The following INTS3 variants were observed in gnomAD, a reference collection of about 807,000 sequenced individuals.
INTS3 encodes the protein SOSS complex subunit A.
INTS3 carries 34 observed loss-of-function variants against 146.3 expected under a neutral mutation model. The observed-to-expected ratio is 0.23, with a 90% CI of 0.18 to 0.31. The LOEUF is 0.31. INTS3 is among the 10% of genes least tolerant of loss of function. The probability of loss-of-function intolerance (pLI) is 1.00; values close to 1 mark genes in which losing one functional copy is unlikely to be tolerated. For missense variants in INTS3, 757 were observed against 1,304.2 expected, an observed-to-expected ratio of 0.58 and a Z score of 6.46; for synonymous variants, 475 against 494.9, an observed-to-expected ratio of 0.96 and a Z score of 0.53.
Position 153,769,817 on chromosome 1 carries a change from C to G in INTS3, c.2362C>G (p.Arg788Gly), listed in dbSNP as rs1300980054. The G allele has an allele frequency of 6.2e-7, 1 of 1,613,102 alleles. No homozygotes were observed. Among genetic ancestry groups the G allele is most frequent in the Non-Finnish European group, 8.5e-7 (1 of 1,179,216 alleles). The change falls in exon 23 of 30, where the codon CGA (arginine) becomes GGA (glycine). Residue 788 changes from arginine to glycine, a missense_variant. This residue lies in a region of INTS3 where 116 missense variants were observed against 226.5 expected (regional missense o/e 0.51). Transcript: ENST00000318967. ...GATGATGGGTAACCTGGTTATGTTT[C>G]GAAAAGACTCAGTTCTCAACATACT... ...HVMMGNLVMF[R>G]KDSVLNILIQ...
At position 153,754,937 on chromosome 1, in the gene INTS3, G is replaced by C. The variant is rs534105888; in HGVS notation, c.957+198G>C. ...TTGAGCATGGTGCTAAGGATTGGGG[G>C]TACACTGTCGAATAAGAGAGATACA... On this transcript the variant is annotated intron_variant, in intron 9 of 29. Transcript: ENST00000318967. Among the ~76,000 whole-genome samples, 110 of 152,268 alleles carry C rather than the reference G, an allele frequency of 7.2e-4. 1 individual carries two copies. Among genetic ancestry groups the C allele is most frequent in the African/African-American group, 2.6e-3 (106 of 41,542 alleles).
chr1:153,753,512 G>A (rs192990995), intron 8 of INTS3, among the ~76,000 whole-genome samples: 2 of 151,170 alleles, frequency 1.3e-5, no homozygotes, highest in African/African-American at 2.4e-5. Flanking sequence ...AGCCGAGATC[G>A]CGCCACTGCA....
chr1:153,759,881 A>G (rs1453670857), intron 11 of INTS3: 1 of 532,752 alleles, frequency 1.9e-6, no homozygotes, highest in South Asian at 2.6e-5. Flanking sequence ...AGGCTGTACC[A>G]TGTCCTGCTT....
chr1:153,770,874 G>A (rs1015079514), intron 25 of INTS3, 141 bp downstream of exon 25: 20 of 708,386 alleles, frequency 2.8e-5, no homozygotes, highest in Admixed American at 1.7e-4. Context: ...TTCCCCCAAC[G>A]TGACTTACAA....
chr1:153,752,169 C>G (rs1333088742), intron 7 of INTS3, 110 bp from the exon 8 acceptor site: 1 of 1,096,142 alleles, frequency 9.1e-7, no homozygotes, highest in East Asian at 2.4e-5. Context: ...TTCTTCAACC[C>G]TCTTTCCTTC....
chr1:153,772,266 C>T lies in INTS3; in HGVS notation c.2721-74C>T, dbSNP rs1672920224. The T allele has an allele frequency of 6.5e-7, 1 of 1,530,278 alleles. No individual in the cohort carries two copies. The highest frequency in any genetic ancestry group is 1.8e-4 in the Middle Eastern group (1 of 5,714). The allele number at this position is 1,530,278 out of a possible 1,614,324, so 94.8% of individuals were successfully genotyped here. A position where few individuals can be genotyped will look rare whatever the true frequency, so the allele number is the denominator to read the frequency against. On this transcript the variant is annotated intron_variant, in intron 26 of 29. Coordinates refer to ENST00000318967, the MANE Select transcript of INTS3 (RefSeq NM_023015.5). The surrounding 1 kb of genome is among the most constrained non-coding windows in gnomAD (Gnocchi z 4.6). ...AGGCTGCCTCTGTCTTAAGGGGGCC[C>T]TGGCGGGTGGAGGGTGTCTCGCACT... is the stretch of plus-strand genomic sequence containing the variant.
intron 10 of INTS3, among the ~76,000 whole-genome samples, chr1:153,758,474 C>G (rs549648891): frequency 2.1e-4 from 32 of 152,294 alleles, no homozygotes; most frequent in Admixed American, 9.8e-4. Context: ...CAAGCATTGT[C>G]CCCTATGGGA....
In INTS3 at chr1:153,757,866, C is replaced by G. The variant is rs544097109; in HGVS notation, c.1149+103C>G. ...CAGGGCCACTTGACCCCTAAGGGCC[C>G]TTCTTTCACTCTGGTCTTCCAGAGT... On this transcript the variant is annotated intron_variant, in intron 10 of 29. Transcript: ENST00000318967. The surrounding 1 kb of genome is among the most constrained non-coding windows in gnomAD (Gnocchi z 4.0). 2.9e-5 allele frequency: 25 copies of G among 857,686 alleles called. No homozygotes were observed. The South Asian group carries it at 3.7e-4, about 13-fold the overall frequency. The allele number at this position is 857,686 out of a possible 1,614,324, so 53.1% of individuals were successfully genotyped here.
rs993122539 is a variant in INTS3, at chr1:153,741,386, G to A, written c.318+18G>A. The A allele has an allele frequency of 1.3e-6, 2 of 1,571,530 alleles. No homozygotes were observed. Among genetic ancestry groups the A allele is most frequent in the African/African-American group, 2.7e-5 (2 of 73,936 alleles). Reference sequence around the variant, plus strand: ...CCCAGAAGGTAAGGCACCCTGCTCTGGACCCATAAACCCTCCTCATATATG... The same window carrying A: ...CCCAGAAGGTAAGGCACCCTGCTCTAGACCCATAAACCCTCCTCATATATG... On this transcript the variant is annotated intron_variant, in intron 3 of 29. Coordinates refer to ENST00000318967, the MANE Select transcript of INTS3 (RefSeq NM_023015.5).
intron 12 of INTS3, 89 bp downstream of exon 12, chr1:153,760,479 G>C: frequency 9.1e-7 from 1 of 1,103,394 alleles, no homozygotes. Flanking sequence ...GGGTCTTCTC[G>C]GTATGCCTTG....
intron 1 of INTS3, among the ~76,000 whole-genome samples, chr1:153,735,141 A>T (rs1671241033): frequency 1.3e-5 from 2 of 151,586 alleles, no homozygotes; most frequent in South Asian, 2.1e-4. Context: ...AATTTTTAAC[A>T]TTTTTTTTGT....
Position 153,754,636 on chromosome 1 carries a change from A to ATT in INTS3, c.860-5_860-4dup. 4.4e-6 allele frequency: 7 copies of ATT among 1,591,338 alleles called. No individual in the cohort carries two copies. Among genetic ancestry groups the ATT allele is most frequent in the Non-Finnish European group, 6.0e-6 (7 of 1,159,410 alleles). ...TCTTTTCTCTTCCCTTCCACATTTG[A>ATT]TTCAGGTATCCTACAGCTTCTTCAG... On this transcript the variant is annotated splice_polypyrimidine_tract_variant and splice_region_variant and intron_variant, in intron 8 of 29. Coordinates refer to ENST00000318967, the MANE Select transcript of INTS3 (RefSeq NM_023015.5).
At chr1:153,761,161 T>C in intron 13 of INTS3, 2 of 1,032,594 alleles carry the variant, frequency 1.9e-6, no homozygotes, top group Admixed American at 3.0e-5. Context: ...GATCTGAGTA[T>C]GGTCCAGTTA....
Position 153,757,439 on chromosome 1 carries a change from G to C in INTS3, c.958-133G>C, listed in dbSNP as rs1450167492. On this transcript the variant is annotated intron_variant, in intron 9 of 29. Coordinates refer to ENST00000318967, the MANE Select transcript of INTS3 (RefSeq NM_023015.5). This position sits in a 1 kb window ranked among gnomAD's most constrained non-coding sequence, Gnocchi z 4.0. The stretch of plus-strand genomic sequence containing the variant: ...TAAAGGAGGGGAGACTTACGAGACA[G>C]TATGAGCTAATGAATGAATTGTGGA... 4.3e-6 allele frequency: 3 copies of C among 695,064 alleles called. No individual in the cohort carries two copies. In the East Asian group the frequency reaches 7.5e-5, roughly 17 times the overall value. The allele number at this position is 695,064 out of a possible 1,614,324, so 43.1% of individuals were successfully genotyped here.
chr1:153,751,656 G>T (rs998355110), intron 7 of INTS3, among the ~76,000 whole-genome samples: 2 of 152,034 alleles, frequency 1.3e-5, no homozygotes, highest in Non-Finnish European at 1.5e-5. Context: ...GTAGATACTG[G>T]GCCTTGCTTT....
chr1:153,755,972 A>G (rs1672144906), intron 9 of INTS3, among the ~76,000 whole-genome samples: 2 of 151,948 alleles, frequency 1.3e-5, no homozygotes, highest in Admixed American at 1.3e-4. Flanking sequence ...CCCAGGAGGC[A>G]GAGGTTGCGA....
Position 153,746,878 on chromosome 1 carries a change from A to C in INTS3, c.319-79A>C, listed in dbSNP as rs569022433. ...GTGTTATTTAAGTTTAAGGGATTAG[A>C]GGGCAAGGGGTCCACTGTGGGTGGG... is the stretch of plus-strand genomic sequence containing the variant. On this transcript the variant is annotated intron_variant, in intron 3 of 29. Transcript: ENST00000318967. The C allele has an allele frequency of 3.8e-6, 3 of 782,152 alleles. No homozygotes were observed. The African/African-American group carries it at 5.2e-5, about 13-fold the overall frequency. The allele number at this position is 782,152 out of a possible 1,614,324, so 48.5% of individuals were successfully genotyped here. A position where few individuals can be genotyped will look rare whatever the true frequency, so the allele number is the denominator to read the frequency against.
At chr1:153,744,321 A>G (rs1434124520) in intron 3 of INTS3, among the ~76,000 whole-genome samples, 3 of 152,130 alleles carry the variant, frequency 2.0e-5, no homozygotes, top group African/African-American at 7.2e-5. Flanking sequence ...ATTCATTTGA[A>G]CAACAAGGTT....
At position 153,754,674 on chromosome 1, in the gene INTS3, C is replaced by A. The variant is rs374070924; in HGVS notation, c.892C>A (p.Arg298=). Residue 298 remains arginine, a synonymous_variant, in exon 9 of 30, where the codon CGA becomes AGA. Coordinates refer to ENST00000318967, the MANE Select transcript of INTS3 (RefSeq NM_023015.5). ...ILQLLQSRTS[R]KFLACRLTPD... is the part of the protein sequence containing the mutation. ...ACAGCTTCTTCAGTCAAGAACATCC[C>A]GAAAATTCCTAGCATGTCGTCTAAC... The A allele has an allele frequency of 4.1e-5, 66 of 1,613,242 alleles. No individual in the cohort carries two copies. The highest frequency in any genetic ancestry group is 5.6e-5 in the Non-Finnish European group (66 of 1,179,190).
Sources: allele counts gnomAD v4.1 joint callset (sites outside exome capture counted in the v4.1 genomes callset), GRCh38; gene constraint gnomAD v4.1.1; regional missense constraint gnomAD v4.1.1; non-coding constraint Gnocchi (gnomAD v3.1); transcripts MANE v1.5; gene names NCBI Gene and HGNC (gene_info 2026-07-23, HGNC 2026-07-21).